The following DLGAP2 variants were observed in gnomAD, a reference collection of about 807,000 sequenced individuals.
DLGAP2 encodes the protein disks large-associated protein 2.
A neutral mutation model predicts 100.3 loss-of-function variants in DLGAP2; 26 were observed. The ratio of observed to expected loss-of-function variants is 0.26; its 90% CI spans 0.19 to 0.36. The LOEUF (loss-of-function observed/expected upper bound fraction) is 0.36. Among genes scored for constraint, DLGAP2 ranks in the 10% least tolerant of loss-of-function variants. DLGAP2 has a pLI of 1.00. For missense variants in DLGAP2, 1,858 were observed against 1,453.2 expected (o/e 1.28, Z -4.53); for synonymous variants, 886 against 630.1 (o/e 1.41, Z -6.08).
At chr8:1,633,725 G>T (rs7017831) in intron 8 of DLGAP2, among the ~76,000 whole-genome samples, 5 of 152,028 alleles carry the variant, frequency 3.3e-5, no homozygotes, top group African/African-American at 1.2e-4. Context: ...AGCTCGAGGC[G>T]CCGCACATAG....
chr8:1,242,897 T>A (rs1198482036), intron 2 of DLGAP2, among the ~76,000 whole-genome samples: 4 of 148,970 alleles, frequency 2.7e-5, no homozygotes, highest in Non-Finnish European at 4.4e-5. Flanking sequence ...GGTGAATCCA[T>A]GGATTGACGG....
chr8:1,632,986 G>A lies in DLGAP2; in HGVS notation c.1750G>A (p.Asp584Asn). Residue 584 changes from aspartate (D) to asparagine (N), a missense_variant, in exon 8 of 15, where the codon GAC becomes AAC. By Grantham distance (23) the Asp-to-Asn change is conservative (BLOSUM62 1). Coordinates refer to ENST00000637795, the MANE Select transcript of DLGAP2 (RefSeq NM_001346810.2). ...CATTCAAGCCGGCTACTCCCAAGAT[G>A]ACGAATGTATTCCCATGATGACACC... ...RAIQAGYSQDDECIPMMTPSD... is the reference protein window; with the variant it reads ...RAIQAGYSQDNECIPMMTPSD... 1 of 1,613,964 alleles carries A rather than the reference G, an allele frequency of 6.2e-7. No individual in the cohort carries two copies. Among genetic ancestry groups the A allele is most frequent in the Non-Finnish European group, 8.5e-7 (1 of 1,179,886 alleles).
chr8:1,512,932 T>A (rs1388062458), intron 4 of DLGAP2, among the ~76,000 whole-genome samples: 1 of 152,174 alleles, frequency 6.6e-6, no homozygotes, highest in Non-Finnish European at 1.5e-5. Context: ...CACGTTGGTG[T>A]CCCAGGCCAC....
At chr8:1,312,782 A>T (rs1186587568) in intron 3 of DLGAP2, among the ~76,000 whole-genome samples, 8 of 152,196 alleles carry the variant, frequency 5.3e-5, no homozygotes, top group Admixed American at 3.9e-4. Flanking sequence ...TATGCTCACC[A>T]ATGTGGAAGG....
intron 1 of DLGAP2, among the ~76,000 whole-genome samples, chr8:893,973 C>CGGCCCGAGGCTTCGAGGTCACCCA (rs1798089096): frequency 6.6e-6 from 1 of 152,210 alleles, no homozygotes; most frequent in African/African-American, 2.4e-5. Context: ...CCTTGGCTGT[C>CGGCCCGAGGCTTCGAGGTCACCCA]GGCCCGAGGC....
At chr8:987,152 T>C (rs1800510944) in intron 2 of DLGAP2, among the ~76,000 whole-genome samples, 1 of 152,180 alleles carries the variant, frequency 6.6e-6, no homozygotes, top group African/African-American at 2.4e-5. Flanking sequence ...CTCTCCTTCC[T>C]ATTCAGTGGT....
In DLGAP2 at chr8:737,646, G is replaced by T; in HGVS notation, c.-162G>T. ...GCCGTGAAGACCGACCGTGCGCCGG[G>T]CTCGAGCGCGGTCTGAGCGCGCGGC... On this transcript the variant is annotated 5_prime_UTR_variant, in exon 1 of 15. Coordinates refer to ENST00000637795, the MANE Select transcript of DLGAP2 (RefSeq NM_001346810.2). The T allele has an allele frequency of 2.8e-6, 1 of 351,518 alleles. No homozygotes were observed. Among genetic ancestry groups the T allele is most frequent in the Non-Finnish European group, 5.1e-6 (1 of 195,890 alleles). The allele number at this position is 351,518 out of a possible 1,614,324, so 21.8% of individuals were successfully genotyped here. A position where few individuals can be genotyped will look rare whatever the true frequency, so the allele number is the denominator to read the frequency against.
intron 3 of DLGAP2, among the ~76,000 whole-genome samples, chr8:1,428,406 CTCTT>C (rs1797297558): frequency 6.6e-6 from 1 of 152,084 alleles, no homozygotes; most frequent in African/African-American, 2.4e-5. Flanking sequence ...AACTAGATCT[CTCTT>C]TCCTTGAGAG....
chr8:814,931 A>T (rs956265155), intron 1 of DLGAP2, among the ~76,000 whole-genome samples: 1 of 152,154 alleles, frequency 6.6e-6, no homozygotes, highest in African/African-American at 2.4e-5. Flanking sequence ...TTTATAGATC[A>T]GATATATCTG....
chr8:818,526 G>C (rs1213990253), intron 1 of DLGAP2, among the ~76,000 whole-genome samples: 1 of 152,192 alleles, frequency 6.6e-6, no homozygotes, highest in Non-Finnish European at 1.5e-5. Context: ...AGGGTCTGTG[G>C]ATTCTCTTGG....
chr8:1,145,322 G>A (rs1037668327), intron 2 of DLGAP2, among the ~76,000 whole-genome samples: 3 of 152,140 alleles, frequency 2.0e-5, no homozygotes, highest in African/African-American at 7.2e-5. Flanking sequence ...CCTCCCATGA[G>A]TTATGAATTG....
chr8:1,563,432 C>G (rs1339769629), intron 5 of DLGAP2, among the ~76,000 whole-genome samples: 1 of 74,334 alleles, frequency 1.3e-5, no homozygotes, highest in Non-Finnish European at 2.6e-5. Flanking sequence ...TTGGGGTGTC[C>G]GCGCCTCGTT....
intron 2 of DLGAP2, among the ~76,000 whole-genome samples, chr8:1,146,093 A>G (rs1270709037): frequency 6.6e-6 from 1 of 151,888 alleles, no homozygotes; most frequent in Non-Finnish European, 1.5e-5. Flanking sequence ...CACTCCACCA[A>G]CCCACACACC....
At chr8:1,520,702 G>T (rs201395517) in intron 4 of DLGAP2, among the ~76,000 whole-genome samples, 1 of 152,110 alleles carries the variant, frequency 6.6e-6, no homozygotes, top group African/African-American at 2.4e-5. Flanking sequence ...TTCATGGCTT[G>T]GGAGCTCATT....
At chr8:1,646,425 A>G (rs1423160346) in intron 8 of DLGAP2, among the ~76,000 whole-genome samples, 1 of 151,968 alleles carries the variant, frequency 6.6e-6, no homozygotes, top group Non-Finnish European at 1.5e-5. Flanking sequence ...ATATGTGTTC[A>G]TCTATATCTC....
intron 5 of DLGAP2, among the ~76,000 whole-genome samples, chr8:1,557,214 G>C (rs766700518): frequency 1.3e-5 from 2 of 152,168 alleles, no homozygotes; most frequent in African/African-American, 2.4e-5. Flanking sequence ...GGAACTGCTG[G>C]TGTCATCCAA....
At chr8:1,021,030 T>A (rs1049125784) in intron 2 of DLGAP2, among the ~76,000 whole-genome samples, 1 of 152,230 alleles carries the variant, frequency 6.6e-6, no homozygotes, top group Non-Finnish European at 1.5e-5. Context: ...ATTCCAAAGA[T>A]TACCATGCAC....
intron 4 of DLGAP2, among the ~76,000 whole-genome samples, chr8:1,532,661 G>C (rs1584898097): frequency 1.3e-5 from 2 of 152,088 alleles, no homozygotes. Context: ...GTATGTATTT[G>C]ATTCAAAGAA....
chr8:1,314,243 T>G (rs1800676734), intron 3 of DLGAP2, among the ~76,000 whole-genome samples: 1 of 152,192 alleles, frequency 6.6e-6, no homozygotes, highest in Non-Finnish European at 1.5e-5. Context: ...TGAGTTACTG[T>G]TGAGTTAGAC....
Sources: allele counts gnomAD v4.1 joint callset (sites outside exome capture counted in the v4.1 genomes callset), GRCh38; gene constraint gnomAD v4.1.1; transcripts MANE v1.5; gene names NCBI Gene and HGNC (gene_info 2026-07-23, HGNC 2026-07-21).